Variants in CBFA2T3 observed in about 807,000 individuals in gnomAD.
CBFA2T3 encodes transcriptional corepressor CBFA2T3.
Under a neutral mutation model 58.6 loss-of-function variants are expected in CBFA2T3, and 31 were observed. The observed-to-expected ratio is 0.53, with a 90% CI of 0.40 to 0.71. CBFA2T3 has a LOEUF of 0.71. CBFA2T3 is among the 30% of genes least tolerant of loss of function. CBFA2T3 has a pLI of 0.00. For missense variants in CBFA2T3, 1,076 were observed against 963.1 expected (o/e 1.12, Z -1.55); for synonymous variants, 531 against 421.9 (o/e 1.26, Z -3.17).
chr16:88,957,127 G>A (rs775978509), intron 1 of CBFA2T3, among the ~76,000 whole-genome samples: 2 of 152,140 alleles, frequency 1.3e-5, no homozygotes, highest in East Asian at 1.9e-4. Flanking sequence ...TTATGCCCAC[G>A]GGCAGCTGCC....
rs1460546528 is a variant in CBFA2T3, at chr16:88,882,771, G to C, written c.1118-10C>G. On this transcript the variant is annotated splice_polypyrimidine_tract_variant and intron_variant, in intron 7 of 11. Transcript: ENST00000268679. ...CGGGACCCAGGCACCACTGTGGATGGGGGAGGTGCACGCTTAGGTCCCACC... is the reference window on the plus strand; with the variant it reads ...CGGGACCCAGGCACCACTGTGGATGCGGGAGGTGCACGCTTAGGTCCCACC... The C allele has an allele frequency of 6.4e-7, 1 of 1,554,356 alleles. No homozygotes were observed. Among genetic ancestry groups the C allele is most frequent in the South Asian group, 1.2e-5 (1 of 85,262 alleles).
chr16:88,945,451 C>G (rs1971877106), intron 1 of CBFA2T3, among the ~76,000 whole-genome samples: 1 of 152,318 alleles, frequency 6.6e-6, no homozygotes, highest in East Asian at 1.9e-4. Flanking sequence ...ATACAAAGAA[C>G]TCTTAAAACC....
At chr16:88,899,585 A>G (rs2142629467) in intron 2 of CBFA2T3, among the ~76,000 whole-genome samples, 1 of 152,222 alleles carries the variant, frequency 6.6e-6, no homozygotes, top group Non-Finnish European at 1.5e-5. Flanking sequence ...ACAGGTCTCC[A>G]GAAGCAGAGC....
At chr16:88,915,353 G>A (rs1970664528) in intron 1 of CBFA2T3, among the ~76,000 whole-genome samples, 1 of 113,086 alleles carries the variant, frequency 8.8e-6, no homozygotes, top group Non-Finnish European at 1.9e-5. Flanking sequence ...TCTCAACTCA[G>A]AGGAGGGACA....
rs2142857278 is a variant in CBFA2T3 at position 88,958,396 on chromosome 16, G to T, written c.151+18261C>A. Reference sequence around the variant, plus strand: ...GGGAACTCCTCCAGGAAGGAAAGGAGAAGTTTTATTTGGGGTGGGGGTGTT... The same window carrying T: ...GGGAACTCCTCCAGGAAGGAAAGGATAAGTTTTATTTGGGGTGGGGGTGTT... On this transcript the variant is annotated intron_variant, in intron 1 of 11. Transcript: ENST00000268679. This position sits in a 1 kb window ranked among gnomAD's most constrained non-coding sequence, Gnocchi z 4.0. Among the ~76,000 whole-genome samples, 1 of 152,092 alleles carries T rather than the reference G, an allele frequency of 6.6e-6. No homozygotes were observed. Among genetic ancestry groups the T allele is most frequent in the South Asian group, 2.1e-4 (1 of 4,820 alleles).
At position 88,876,497 on chromosome 16, in the gene CBFA2T3, T is replaced by C. The variant is rs1968832369; in HGVS notation, c.*479A>G. The stretch of plus-strand genomic sequence containing the variant: ...TTTGTCCATTTCTGAGTAGCTCTTT[T>C]GCCAACACACAAAACCCCCCAAAAT... On this transcript the variant is annotated 3_prime_UTR_variant, in exon 12 of 12. Transcript: ENST00000268679. The C allele has an allele frequency of 4.3e-6, 1 of 232,856 alleles. No homozygotes were observed. The highest frequency in any genetic ancestry group is 2.2e-5 in the African/African-American group (1 of 45,288). 14.4% of individuals were successfully genotyped at this position (232,856 alleles called of 1,614,324 possible). A position where few individuals can be genotyped will look rare whatever the true frequency, so the allele number is the denominator to read the frequency against.
At chr16:88,904,105 G>A (rs115897737) in intron 1 of CBFA2T3, among the ~76,000 whole-genome samples, 6,876 of 151,932 alleles carry the variant, frequency 0.045, 227 homozygotes, top group African/African-American at 0.091. Context: ...CACCACCTGC[G>A]TGCTCACGGC....
chr16:88,914,981 G>C (rs1970645369), intron 1 of CBFA2T3, among the ~76,000 whole-genome samples: 1 of 151,804 alleles, frequency 6.6e-6, no homozygotes, highest in Non-Finnish European at 1.5e-5. Flanking sequence ...GGGCGGGGTG[G>C]GGGTGGGGGT....
At chr16:88,964,398 G>C (rs940482642) in intron 1 of CBFA2T3, among the ~76,000 whole-genome samples, 2 of 152,254 alleles carry the variant, frequency 1.3e-5, no homozygotes, top group Non-Finnish European at 1.5e-5. Context: ...GGCCTCTTTT[G>C]ACTTTTAATT....
chr16:88,904,270 G>A (rs560335398), intron 1 of CBFA2T3, among the ~76,000 whole-genome samples: 38 of 152,322 alleles, frequency 2.5e-4, no homozygotes, highest in African/African-American at 8.4e-4. Flanking sequence ...GCTCACTGCA[G>A]GAAGATCCTT....
chr16:88,898,560 G>A (rs1251423029), intron 2 of CBFA2T3, among the ~76,000 whole-genome samples: 3 of 152,212 alleles, frequency 2.0e-5, no homozygotes, highest in African/African-American at 2.4e-5. Flanking sequence ...GAGCAGGGGC[G>A]GGGCCCCTTG....
rs539585854 is a variant in CBFA2T3 at position 88,889,828 on chromosome 16, C to T, written c.711+2054G>A. ...TCCAGGGACACTTCAAATCCCTGGA[C>T]GATGCCCCGCGATTCCTCCTCCTCC... On this transcript the variant is annotated intron_variant, in intron 5 of 11. Coordinates refer to ENST00000268679, the MANE Select transcript of CBFA2T3 (RefSeq NM_005187.6). 1.4e-4 allele frequency among the ~76,000 whole-genome samples: 20 copies of T among 143,686 alleles called. 1 individual carries two copies. The East Asian group carries it at 3.6e-3, about 26-fold the overall frequency. 94.3% of individuals were successfully genotyped at this position (143,686 alleles called of 152,430 possible). A position where few individuals can be genotyped will look rare whatever the true frequency, so the allele number is the denominator to read the frequency against.
chr16:88,962,961 G>A (rs1042482436), intron 1 of CBFA2T3, among the ~76,000 whole-genome samples: 3 of 152,164 alleles, frequency 2.0e-5, no homozygotes, highest in African/African-American at 7.2e-5. Context: ...GAGGGCACAG[G>A]GCACGCCACC....
intron 1 of CBFA2T3, among the ~76,000 whole-genome samples, chr16:88,909,751 C>A (rs1012792663): frequency 2.6e-5 from 4 of 152,182 alleles, no homozygotes; most frequent in African/African-American, 9.7e-5. Flanking sequence ...ATGGACGACC[C>A]CGCACCCACG....
At chr16:88,936,443 T>C (rs1478562064) in intron 1 of CBFA2T3, among the ~76,000 whole-genome samples, 1 of 140,954 alleles carries the variant, frequency 7.1e-6, no homozygotes, top group South Asian at 2.3e-4. Flanking sequence ...GGCAGCCGAG[T>C]ATCCACCACG....
At chr16:88,904,608 C>G (rs768736697) in intron 1 of CBFA2T3, among the ~76,000 whole-genome samples, 1 of 152,250 alleles carries the variant, frequency 6.6e-6, no homozygotes, top group Non-Finnish European at 1.5e-5. Context: ...CAGGAGGCCC[C>G]GTGCCTGAGG....
chr16:88,931,540 G>A (rs536999349), intron 1 of CBFA2T3, among the ~76,000 whole-genome samples: 11 of 151,462 alleles, frequency 7.3e-5, no homozygotes, highest in East Asian at 1.9e-4. Context: ...GGCCGGCCCC[G>A]TGGACGAGCC....
chr16:88,878,143 C>T (rs906549246), intron 11 of CBFA2T3, among the ~76,000 whole-genome samples: 1 of 152,268 alleles, frequency 6.6e-6, no homozygotes, highest in African/African-American at 2.4e-5. Flanking sequence ...GGCATCTGCT[C>T]AGGTGTCACC....
intron 1 of CBFA2T3, among the ~76,000 whole-genome samples, chr16:88,965,088 TATCC>T (rs1192246574): frequency 0.088 from 11,651 of 132,764 alleles, 717 homozygotes; most frequent in African/African-American, 0.22. Flanking sequence ...CCCACCCATC[TATCC>T]ATCCATCCAT....
Sources: allele counts gnomAD v4.1 joint callset (sites outside exome capture counted in the v4.1 genomes callset), GRCh38; gene constraint gnomAD v4.1.1; non-coding constraint Gnocchi (gnomAD v3.1); transcripts MANE v1.5; gene names NCBI Gene and HGNC (gene_info 2026-07-23, HGNC 2026-07-21).